Variants in SOX5 observed in about 807,000 individuals in gnomAD.
The protein encoded by SOX5 is transcription factor SOX-5.
SOX5 carries 9 observed loss-of-function variants against 92.0 expected under a neutral mutation model. The ratio of observed to expected loss-of-function variants is 0.10; its 90% CI spans 0.06 to 0.17. SOX5 has a LOEUF of 0.17. SOX5 is among the 10% of genes least tolerant of loss of function. The pLI is 1.00. For missense variants in SOX5, 642 were observed against 944.5 expected, an observed-to-expected ratio of 0.68 and a Z score of 4.20; for synonymous variants, 344 against 336.3, an observed-to-expected ratio of 1.02 and a Z score of -0.25.
In SOX5 at chr12:24,176,549, G is replaced by A. The variant is rs901360533; in HGVS notation, c.-2+36794C>T. Reference sequence around the variant, plus strand: ...CAGCCTGCTGTGGTTTAAGAAGCCCGCTACAATGAGCAAATTGCCTACAAT... The same window carrying A: ...CAGCCTGCTGTGGTTTAAGAAGCCCACTACAATGAGCAAATTGCCTACAAT... On this transcript the variant is annotated intron_variant, in intron 4 of 4. Transcript: ENST00000446891. Among the ~76,000 whole-genome samples the A allele has an allele frequency of 3.9e-5, 6 of 152,098 alleles. No homozygotes were observed. The East Asian group carries it at 5.8e-4, about 15-fold the overall frequency.
rs74068303 is a variant in SOX5, at chr12:24,407,894, G to A, written c.-250-39255C>T. Among the ~76,000 whole-genome samples, 862 of 152,274 alleles carry A rather than the reference G, an allele frequency of 5.7e-3. 9 individuals are homozygous for A. Among genetic ancestry groups the A allele is most frequent in the African/African-American group, 0.02 (819 of 41,562 alleles). ...TTTCGAGGTTTCTATCCAAGACTTG[G>A]AATTTTTTAAAGCGTCCAATCTGTT... On this transcript the variant is annotated intron_variant, in intron 1 of 4. Transcript: ENST00000446891.
intron 14 of SOX5, among the ~76,000 whole-genome samples, chr12:23,535,661 C>G (rs537156863): frequency 5.9e-5 from 9 of 152,184 alleles, no homozygotes; most frequent in Non-Finnish European, 1.0e-4. Flanking sequence ...TCACAGACCA[C>G]TGGACAGAGC....
chr12:23,568,604 T>A (rs1402170200), intron 10 of SOX5, among the ~76,000 whole-genome samples: 1 of 152,154 alleles, frequency 6.6e-6, no homozygotes, highest in Non-Finnish European at 1.5e-5. Context: ...CATCTTTCCA[T>A]GGCCTCAGTC....
intron 4 of SOX5, among the ~76,000 whole-genome samples, chr12:24,076,343 G>A (rs1942590540): frequency 6.6e-6 from 1 of 152,056 alleles, no homozygotes; most frequent in Admixed American, 6.6e-5. Flanking sequence ...AGCCCTCCAT[G>A]CTCTCATTTA....
intron 6 of SOX5, among the ~76,000 whole-genome samples, chr12:23,708,185 T>A (rs1345205130): frequency 6.6e-6 from 1 of 151,542 alleles, no homozygotes; most frequent in Admixed American, 6.6e-5. Context: ...GGGAACTATT[T>A]TTTTTTTTTC....
chr12:24,507,793 T>C (rs1948938376), intron 1 of SOX5, among the ~76,000 whole-genome samples: 1 of 152,140 alleles, frequency 6.6e-6, no homozygotes, highest in Non-Finnish European at 1.5e-5. Context: ...AAGAAAAAAT[T>C]AAAGGAGAGG....
At chr12:23,745,924 A>G (rs952388939) in intron 4 of SOX5, among the ~76,000 whole-genome samples, 1 of 152,198 alleles carries the variant, frequency 6.6e-6, no homozygotes, top group African/African-American at 2.4e-5. Flanking sequence ...GGTAAATAGC[A>G]TATGTATTGC....
In SOX5 at chr12:24,067,657, C is replaced by T. The variant is rs145847771; in HGVS notation, c.-2+145686G>A. Reference sequence around the variant, plus strand: ...TCCTTATTATTCTGAGATTGATCAACGATTTTATGGATTATACATACTCTT... The same window carrying T: ...TCCTTATTATTCTGAGATTGATCAATGATTTTATGGATTATACATACTCTT... On this transcript the variant is annotated intron_variant, in intron 4 of 4. Transcript: ENST00000446891. Among the ~76,000 whole-genome samples the T allele has an allele frequency of 4.7e-3, 719 of 152,204 alleles. 5 individuals are homozygous for T. The highest frequency in any genetic ancestry group is 0.017 in the African/African-American group (698 of 41,530).
intron 1 of SOX5, among the ~76,000 whole-genome samples, chr12:24,424,660 T>G (rs1246514465): frequency 1.3e-5 from 2 of 152,130 alleles, no homozygotes; most frequent in African/African-American, 4.8e-5. Context: ...CACTATAGTT[T>G]CCCCTCCTTT....
intron 1 of SOX5, among the ~76,000 whole-genome samples, chr12:24,376,060 G>A (rs1302135369): frequency 1.3e-5 from 2 of 152,178 alleles, no homozygotes; most frequent in African/African-American, 4.8e-5. Flanking sequence ...CTGCCAGCCT[G>A]AAGCGTATTT....
At chr12:23,931,787 ATGT>A (rs368198505) in intron 1 of SOX5, among the ~76,000 whole-genome samples, 2 of 151,730 alleles carry the variant, frequency 1.3e-5, no homozygotes, top group African/African-American at 2.4e-5. Context: ...TAAAGAACAA[ATGT>A]TGTAGTTCTA....
chr12:24,227,774 C>T (rs1440590787), intron 3 of SOX5: 16 of 152,186 alleles, frequency 1.1e-4, no homozygotes, highest in Non-Finnish European at 2.4e-4. Flanking sequence ...TGATTCAGCA[C>T]GGTATCCTTC....
intron 1 of SOX5, among the ~76,000 whole-genome samples, chr12:24,408,215 C>T (rs188110047): frequency 2.6e-5 from 4 of 152,132 alleles, no homozygotes; most frequent in Non-Finnish European, 4.4e-5. Flanking sequence ...CCATGGAAAG[C>T]GCCAAAAGAC....
chr12:24,254,938 A>G (rs1183534424), intron 3 of SOX5, among the ~76,000 whole-genome samples: 2 of 152,116 alleles, frequency 1.3e-5, no homozygotes, highest in African/African-American at 4.8e-5. Flanking sequence ...AAGAAGAGGT[A>G]AGAAACAGAA....
rs188599929 is a variant in SOX5 at position 23,988,334 on chromosome 12, G to A, written c.-1-92310C>T. 2.1e-3 allele frequency among the ~76,000 whole-genome samples: 320 copies of A among 152,246 alleles called. 1 individual carries two copies. Among genetic ancestry groups the A allele is most frequent in the Non-Finnish European group, 3.7e-3 (251 of 68,026 alleles). On this transcript the variant is annotated intron_variant, in intron 4 of 4. Coordinates refer to the SOX5 transcript ENST00000446891. ...GAAGAGAGCCTGAAACATAGGCAAG[G>A]AGATCCCAACCTTTAGAGTGAGCAG...
At chr12:24,468,249 C>T (rs138130533) in intron 1 of SOX5, among the ~76,000 whole-genome samples, 3 of 152,290 alleles carry the variant, frequency 2.0e-5, no homozygotes, top group Non-Finnish European at 4.4e-5. Context: ...ATCAAAGCCT[C>T]GTTCTGCCAC....
intron 4 of SOX5, among the ~76,000 whole-genome samples, chr12:24,137,871 T>C (rs12372308): frequency 0.022 from 3,388 of 152,332 alleles, 52 homozygotes; most frequent in Middle Eastern, 0.044. Context: ...TGATGCTGTT[T>C]GTGCCTTTTA....
chr12:23,794,209 T>C (rs1424733340), intron 3 of SOX5, among the ~76,000 whole-genome samples: 1 of 151,620 alleles, frequency 6.6e-6, no homozygotes, highest in African/African-American at 2.4e-5. Context: ...TTTACTGGTT[T>C]ATTTTAGTGA....
intron 3 of SOX5, among the ~76,000 whole-genome samples, chr12:23,782,076 T>C (rs1470757255): frequency 6.6e-6 from 1 of 152,066 alleles, no homozygotes; most frequent in Non-Finnish European, 1.5e-5. Flanking sequence ...AAATGTGAAA[T>C]GTCAACTTCA....
Sources: allele counts gnomAD v4.1 joint callset (sites outside exome capture counted in the v4.1 genomes callset), GRCh38; gene constraint gnomAD v4.1.1; transcripts MANE v1.5; gene names NCBI Gene and HGNC (gene_info 2026-07-23, HGNC 2026-07-21).